SLC44A5: variants seen among roughly 807,000 people sequenced by gnomAD.
The protein encoded by SLC44A5 is choline transporter-like protein 5.
A neutral mutation model predicts 101.8 loss-of-function variants in SLC44A5; 57 were observed. That is an observed-to-expected ratio of 0.56 (90% confidence interval 0.45 to 0.70). The LOEUF (loss-of-function observed/expected upper bound fraction) is 0.70, where lower values mean the gene tolerates loss of function less well. SLC44A5 is among the 30% of genes least tolerant of loss of function. The pLI, the probability that SLC44A5 is intolerant of heterozygous loss-of-function variation, is 0.00. For synonymous variants in SLC44A5, 281 were observed against 290.9 expected (o/e 0.97, Z 0.35); for missense variants, 737 against 853.1 (o/e 0.86, Z 1.70).
intron 20 of SLC44A5, 26 bp downstream of exon 20, chr1:75,214,579 T>G: frequency 6.3e-7 from 1 of 1,594,242 alleles, no homozygotes; most frequent in African/African-American, 1.3e-5. Context: ...CATTGTTAAA[T>G]TACATTGTGC....
chr1:75,547,160 G>C (rs868770585), intron 1 of SLC44A5, among the ~76,000 whole-genome samples: 2 of 152,116 alleles, frequency 1.3e-5, no homozygotes, highest in African/African-American at 2.4e-5. Flanking sequence ...GATGAAACCT[G>C]TGCAGGAGAC....
intron 3 of SLC44A5, among the ~76,000 whole-genome samples, chr1:75,393,529 C>T (rs188014955): frequency 6.6e-5 from 10 of 152,140 alleles, no homozygotes; most frequent in Admixed American, 6.5e-4. Context: ...GGCAAAGTAG[C>T]CAATATCCAA....
At chr1:75,447,554 AGG>A (rs1665659661) in intron 2 of SLC44A5, among the ~76,000 whole-genome samples, 1 of 152,180 alleles carries the variant, frequency 6.6e-6, no homozygotes, top group Non-Finnish European at 1.5e-5. Flanking sequence ...GAAAGGAAAG[AGG>A]GTTTATTCTG....
At chr1:75,406,414 G>T (rs549562118) in intron 2 of SLC44A5, among the ~76,000 whole-genome samples, 1 of 152,214 alleles carries the variant, frequency 6.6e-6, no homozygotes, top group African/African-American at 2.4e-5. Context: ...AACAGAAAAA[G>T]AAAATTTCAG....
intron 2 of SLC44A5, among the ~76,000 whole-genome samples, chr1:75,501,064 C>T (rs776735436): frequency 8.5e-5 from 13 of 152,110 alleles, no homozygotes; most frequent in Non-Finnish European, 1.9e-4. Context: ...CTCATCCTAT[C>T]GTATTTTCAG....
chr1:75,383,786 A>T (rs1020279941), intron 3 of SLC44A5, among the ~76,000 whole-genome samples: 3 of 152,020 alleles, frequency 2.0e-5, no homozygotes, highest in African/African-American at 7.2e-5. Context: ...GAAGGAAAAA[A>T]TGTTAAGGGC....
At chr1:75,257,903 G>C (rs1650149327) in intron 6 of SLC44A5, among the ~76,000 whole-genome samples, 1 of 152,122 alleles carries the variant, frequency 6.6e-6, no homozygotes, top group Non-Finnish European at 1.5e-5. Flanking sequence ...GGGAGGGCGA[G>C]CCAAAGCAGG....
the SLC44A5 span, chr1:75,641,811 A>G: frequency 6.6e-7 from 1 of 1,523,044 alleles, no homozygotes; most frequent in Non-Finnish European, 9.1e-7. Flanking sequence ...CAATCACATA[A>G]AGGCCAGTTT....
intron 3 of SLC44A5, among the ~76,000 whole-genome samples, chr1:75,388,907 T>G (rs1661593611): frequency 6.6e-6 from 1 of 152,138 alleles, no homozygotes; most frequent in Admixed American, 6.5e-5. Context: ...CCAACCTTTC[T>G]CTGTCTTCAA....
chr1:75,441,399 C>T (rs1570285253), intron 2 of SLC44A5, among the ~76,000 whole-genome samples: 1 of 151,758 alleles, frequency 6.6e-6, no homozygotes, highest in South Asian at 2.1e-4. Flanking sequence ...ACTGTATCAC[C>T]TTTACATGAG....
the SLC44A5 span, among the ~76,000 whole-genome samples, chr1:75,662,275 T>C: frequency 6.6e-6 from 1 of 152,090 alleles, no homozygotes; most frequent in Non-Finnish European, 1.5e-5. Context: ...TGTGTGTTCT[T>C]ACTTATATTT....
chr1:75,481,967 A>G (rs1257760347), intron 2 of SLC44A5, among the ~76,000 whole-genome samples: 1 of 152,164 alleles, frequency 6.6e-6, no homozygotes. Flanking sequence ...AGACACATGC[A>G]CACGTATGTT....
intron 3 of SLC44A5, among the ~76,000 whole-genome samples, chr1:75,387,110 G>T (rs1186426042): frequency 2.0e-5 from 3 of 152,132 alleles, no homozygotes; most frequent in Non-Finnish European, 4.4e-5. Context: ...AAAAATCCTA[G>T]AAGAAAACCT....
At chr1:75,530,320 T>C (rs989738906) in intron 2 of SLC44A5, among the ~76,000 whole-genome samples, 2 of 152,106 alleles carry the variant, frequency 1.3e-5, no homozygotes, top group Non-Finnish European at 2.9e-5. Flanking sequence ...AAAAACAAAG[T>C]GAAGCTTCAT....
At chr1:75,687,909 C>G in the SLC44A5 span, among the ~76,000 whole-genome samples, 2 of 152,180 alleles carry the variant, frequency 1.3e-5, no homozygotes, top group Non-Finnish European at 2.9e-5. Context: ...TTGTCATCCC[C>G]ATTTTAGGAC....
At chr1:75,680,176 C>T in the SLC44A5 span, among the ~76,000 whole-genome samples, 2 of 152,068 alleles carry the variant, frequency 1.3e-5, no homozygotes, top group Admixed American at 6.6e-5. Flanking sequence ...GGCTTTAACA[C>T]CCCACTGTCA....
intron 2 of SLC44A5, among the ~76,000 whole-genome samples, chr1:75,410,938 A>G (rs1368499501): frequency 1.4e-4 from 22 of 152,136 alleles, no homozygotes; most frequent in Non-Finnish European, 2.5e-4. Context: ...TTTGCAGTCC[A>G]GTGAGAATGA....
the SLC44A5 span, among the ~76,000 whole-genome samples, chr1:75,670,567 G>T: frequency 1.3e-5 from 2 of 152,152 alleles, no homozygotes; most frequent in Non-Finnish European, 2.9e-5. Flanking sequence ...TTTGAAATTT[G>T]TAATGGCTTA....
intron 3 of SLC44A5, among the ~76,000 whole-genome samples, chr1:75,386,070 G>A (rs1661317911): frequency 6.6e-6 from 1 of 151,858 alleles, no homozygotes; most frequent in South Asian, 2.1e-4. Context: ...AAAATAATAA[G>A]AGCTATCTAT....
Sources: allele counts gnomAD v4.1 joint callset (sites outside exome capture counted in the v4.1 genomes callset), GRCh38; gene constraint gnomAD v4.1.1; transcripts MANE v1.5; gene names NCBI Gene and HGNC (gene_info 2026-07-23, HGNC 2026-07-21).